Variants in RNLS observed in about 807,000 individuals in gnomAD.
RNLS encodes the protein renalase.
RNLS carries 39 observed loss-of-function variants against 39.8 expected under a neutral mutation model. The ratio of observed to expected loss-of-function variants is 0.98; its 90% confidence interval spans 0.76 to 1.28. The LOEUF is 1.28. RNLS is among the 50% of genes most tolerant of loss of function. The probability of loss-of-function intolerance (pLI) is 0.00; values close to 1 mark genes in which losing one functional copy is unlikely to be tolerated. For missense variants in RNLS, 410 were observed against 413.3 expected (o/e 0.99, Z 0.07); for synonymous variants, 147 against 150.7 (o/e 0.98, Z 0.18).
At chr10:88,242,062 T>C in the RNLS span, among the ~76,000 whole-genome samples, 2 of 152,194 alleles carry the variant, frequency 1.3e-5, no homozygotes, top group Non-Finnish European at 2.9e-5. Context: ...ATTTTTCATC[T>C]CTGTATTCCT....
chr10:88,431,179 T>A (rs1337921199), intron 4 of RNLS, among the ~76,000 whole-genome samples: 1 of 151,708 alleles, frequency 6.6e-6, no homozygotes, highest in Admixed American at 6.6e-5. Context: ...GGTTATCTAT[T>A]TATTTTTGAG....
At chr10:88,542,486 C>T (rs995818875) in intron 4 of RNLS, among the ~76,000 whole-genome samples, 4 of 152,170 alleles carry the variant, frequency 2.6e-5, no homozygotes, top group Non-Finnish European at 5.9e-5. Context: ...TGTCAATGGG[C>T]AGCCATACTT....
chr10:88,322,081 A>G (rs1846224431), intron 5 of RNLS, among the ~76,000 whole-genome samples: 2 of 152,210 alleles, frequency 1.3e-5, no homozygotes, highest in Admixed American at 1.3e-4. Flanking sequence ...CTAGCTGCAC[A>G]TCAAAAAGAT....
chr10:88,205,615 A>AGACTGCT, the RNLS span, among the ~76,000 whole-genome samples: 1 of 152,192 alleles, frequency 6.6e-6, no homozygotes, highest in Non-Finnish European at 1.5e-5. Flanking sequence ...CCAAGGTACT[A>AGACTGCT]GACTGCTGGT....
the RNLS span, among the ~76,000 whole-genome samples, chr10:88,245,169 CTT>C: frequency 2.0e-5 from 3 of 152,216 alleles, no homozygotes. Flanking sequence ...ATCCATGTGA[CTT>C]TTGTGAAGAG....
intron 6 of RNLS, among the ~76,000 whole-genome samples, chr10:88,300,201 C>T (rs762440646): frequency 2.0e-5 from 3 of 152,158 alleles, no homozygotes; most frequent in Admixed American, 6.5e-5. Context: ...GGAAGGGATA[C>T]AAACTCCACA....
intron 5 of RNLS, among the ~76,000 whole-genome samples, chr10:88,340,447 T>C (rs184098016): frequency 1.3e-5 from 2 of 151,624 alleles, no homozygotes; most frequent in East Asian, 3.9e-4. Context: ...TCCTTTCTCT[T>C]TGATGGAGTA....
intron 6 of RNLS, among the ~76,000 whole-genome samples, chr10:88,303,720 T>G (rs1488420440): frequency 6.6e-6 from 1 of 151,850 alleles, no homozygotes; most frequent in Non-Finnish European, 1.5e-5. Flanking sequence ...CAGCCTTACC[T>G]CCATCAGTGC....
the RNLS span, among the ~76,000 whole-genome samples, chr10:88,187,625 C>T: frequency 6.6e-6 from 1 of 152,174 alleles, no homozygotes; most frequent in Non-Finnish European, 1.5e-5. Context: ...AGTCCCTCAG[C>T]TGTCCTGGAG....
intron 4 of RNLS, among the ~76,000 whole-genome samples, chr10:88,417,431 G>A (rs1181076432): frequency 6.6e-6 from 1 of 152,156 alleles, no homozygotes. Flanking sequence ...TTTTAAAACA[G>A]CAAGAGTCCA....
At chr10:88,238,507 T>A in the RNLS span, among the ~76,000 whole-genome samples, 9 of 152,244 alleles carry the variant, frequency 5.9e-5, no homozygotes, top group Non-Finnish European at 2.9e-5. Context: ...GCTACTTCCT[T>A]AAACTTTAAA....
chr10:88,194,472 T>G, the RNLS span, among the ~76,000 whole-genome samples: 1 of 152,358 alleles, frequency 6.6e-6, no homozygotes, highest in East Asian at 1.9e-4. Flanking sequence ...CTCTCTCATC[T>G]TGGGCCAATC....
chr10:88,325,441 G>A (rs1252470931), intron 5 of RNLS, among the ~76,000 whole-genome samples: 1 of 152,186 alleles, frequency 6.6e-6, no homozygotes, highest in African/African-American at 2.4e-5. Flanking sequence ...CCCAGCAGTA[G>A]CAGCAGCATT....
chr10:88,236,074 C>T, the RNLS span, among the ~76,000 whole-genome samples: 1 of 152,122 alleles, frequency 6.6e-6, no homozygotes, highest in South Asian at 2.1e-4. Context: ...TGCTACTGAA[C>T]CCCTGCACTA....
At chr10:88,316,781 C>T (rs1490073884) in intron 5 of RNLS, among the ~76,000 whole-genome samples, 3 of 152,110 alleles carry the variant, frequency 2.0e-5, no homozygotes, top group Non-Finnish European at 2.9e-5. Flanking sequence ...AGAGAACAAC[C>T]TGCCTACTTA....
intron 4 of RNLS, among the ~76,000 whole-genome samples, chr10:88,395,711 T>C (rs894121162): frequency 1.3e-5 from 2 of 151,998 alleles, no homozygotes; most frequent in African/African-American, 4.8e-5. Context: ...TCCAGTTTGA[T>C]AAAAAATCAT....
intron 4 of RNLS, among the ~76,000 whole-genome samples, chr10:88,384,733 T>C (rs1258824637): frequency 2.0e-5 from 3 of 152,226 alleles, no homozygotes; most frequent in African/African-American, 4.8e-5. Context: ...CAGGAGTTGA[T>C]GGAGAACAGT....
chr10:88,395,938 T>C (rs1185000924), intron 4 of RNLS, among the ~76,000 whole-genome samples: 3 of 152,000 alleles, frequency 2.0e-5, no homozygotes, highest in African/African-American at 4.8e-5. Context: ...TGGCATGACA[T>C]GCAAAAAGCT....
At chr10:88,187,147 T>TATATATAATATATATATAATATATATA in the RNLS span, among the ~76,000 whole-genome samples, 1 of 116,208 alleles carries the variant, frequency 8.6e-6, no homozygotes, top group African/African-American at 3.1e-5. Flanking sequence ...GCTCAAAAAA[T>TATATATAATATATATATAATATATATA]ATATATATAT....
Sources: gnomAD v4.1 joint callset for allele counts (sites outside exome capture counted in the v4.1 genomes callset) on GRCh38, gnomAD v4.1.1 for gene constraint, MANE v1.5 for transcripts, NCBI Gene and HGNC (gene_info 2026-07-23, HGNC 2026-07-21) for gene names.